Variants in TMEM161B observed in about 807,000 individuals in gnomAD.
TMEM161B encodes the protein transmembrane protein 161B.
In TMEM161B, 34 loss-of-function variants were observed where a neutral mutation model predicts 61.8. The ratio of observed to expected loss-of-function variants is 0.55; its 90% CI spans 0.42 to 0.73. The LOEUF (loss-of-function observed/expected upper bound fraction) is 0.73, where lower values mean the gene tolerates loss of function less well. TMEM161B is among the 30% of genes least tolerant of loss of function. The pLI is 0.00. For missense variants in TMEM161B, 456 were observed against 558.5 expected (o/e 0.82, Z 1.85); for synonymous variants, 167 against 192.8 (o/e 0.87, Z 1.11).
chr5:88,221,952 T>A (rs1749073744), intron 4 of TMEM161B, among the ~76,000 whole-genome samples: 1 of 152,220 alleles, frequency 6.6e-6, no homozygotes, highest in African/African-American at 2.4e-5. Context: ...TTAAAAGTAG[T>A]ATCAAAACAA....
At chr5:88,229,156 G>A (rs1030443267) in intron 2 of TMEM161B, among the ~76,000 whole-genome samples, 3 of 152,118 alleles carry the variant, frequency 2.0e-5, no homozygotes, top group South Asian at 2.1e-4. Flanking sequence ...AAATACTCAC[G>A]ATCCAAATTA....
At chr5:88,250,935 T>A (rs1754262119) in intron 1 of TMEM161B, 1 of 152,092 alleles carries the variant, frequency 6.6e-6, no homozygotes, top group South Asian at 2.1e-4. Context: ...CTTACAGAGA[T>A]CACGGCACTG....
At chr5:88,245,993 T>C (rs547970865) in intron 1 of TMEM161B, among the ~76,000 whole-genome samples, 2 of 151,922 alleles carry the variant, frequency 1.3e-5, no homozygotes, top group East Asian at 3.9e-4. Context: ...CAGAGACTGA[T>C]CAAACATAAA....
At chr5:88,219,386 G>A (rs938788953) in intron 5 of TMEM161B, among the ~76,000 whole-genome samples, 4 of 152,076 alleles carry the variant, frequency 2.6e-5, no homozygotes, top group Non-Finnish European at 5.9e-5. Flanking sequence ...AAATATAAAA[G>A]TAAGCATGAA....
chr5:88,215,361 T>C (rs1239732304), intron 5 of TMEM161B, among the ~76,000 whole-genome samples: 1 of 152,220 alleles, frequency 6.6e-6, no homozygotes, highest in Non-Finnish European at 1.5e-5. Flanking sequence ...AAACAGGTTA[T>C]GTTATAACTA....
At chr5:88,235,164 TAG>T (rs1311578353) in intron 2 of TMEM161B, among the ~76,000 whole-genome samples, 6 of 152,168 alleles carry the variant, frequency 3.9e-5, no homozygotes, top group East Asian at 1.9e-4. Flanking sequence ...GCAGAAAATA[TAG>T]AATGTCCTGA....
chr5:88,240,907 C>T lies in TMEM161B; in HGVS notation c.13G>A (p.Gly5Ser). The T allele has an allele frequency of 6.4e-7, 1 of 1,560,276 alleles. No homozygotes were observed. Among genetic ancestry groups the T allele is most frequent in the East Asian group, 2.3e-5 (1 of 43,060 alleles). Reference protein sequence around the residue: MGVIGIQLVVTMVMA... With the variant: MGVISIQLVVTMVMA... ...ACCATGGTAACAACCAGCTGTATAC[C>T]TATCACACCCTGTGTAAAAAAAACA... Residue 5 changes from glycine to serine, a missense_variant, in exon 2 of 12, where the codon GGT becomes AGT. Around this residue, in one of 3 missense-constraint regions of TMEM161B, gnomAD observed 85 missense variants for 111.2 expected, o/e 0.76. Transcript: ENST00000296595.
At chr5:88,225,890 C>A in intron 3 of TMEM161B, 24 bp from the exon 4 acceptor site, 5 of 1,504,112 alleles carry the variant, frequency 3.3e-6, no homozygotes, top group Admixed American at 3.7e-5. Flanking sequence ...ACAAGTGACA[C>A]AAAAAACAAG....
intron 1 of TMEM161B, among the ~76,000 whole-genome samples, chr5:88,246,673 A>C (rs1753660120): frequency 6.6e-6 from 1 of 152,026 alleles, no homozygotes; most frequent in Non-Finnish European, 1.5e-5. Flanking sequence ...GTATAAGTTT[A>C]TACAAAAGCA....
chr5:88,243,733 A>G (rs1753133629), intron 1 of TMEM161B, among the ~76,000 whole-genome samples: 1 of 151,808 alleles, frequency 6.6e-6, no homozygotes, highest in Non-Finnish European at 1.5e-5. Context: ...GTGATTCCTT[A>G]TCTCCATAAC....
intron 9 of TMEM161B, 123 bp from the exon 10 acceptor site, chr5:88,199,273 A>C (rs1750274737): frequency 1.1e-6 from 1 of 891,424 alleles, no homozygotes. Flanking sequence ...TAGACACATA[A>C]AAGAATCTGA....
At chr5:88,262,675 A>G (rs1755828554) in intron 1 of TMEM161B, among the ~76,000 whole-genome samples, 1 of 152,190 alleles carries the variant, frequency 6.6e-6, no homozygotes. Flanking sequence ...GATTCCAACT[A>G]TATCCAAACC....
intron 1 of TMEM161B, among the ~76,000 whole-genome samples, chr5:88,243,543 G>A (rs1003241988): frequency 2.6e-5 from 4 of 152,004 alleles, no homozygotes; most frequent in African/African-American, 9.6e-5. Flanking sequence ...TGTGAATAGT[G>A]CTGCAATGAA....
chr5:88,210,030 G>C (rs1263229301), intron 5 of TMEM161B, among the ~76,000 whole-genome samples: 3 of 152,110 alleles, frequency 2.0e-5, no homozygotes, highest in Admixed American at 6.6e-5. Flanking sequence ...TTAAACTATA[G>C]TGTGACAAAG....
intron 2 of TMEM161B, among the ~76,000 whole-genome samples, chr5:88,231,441 A>T (rs1402000174): frequency 6.6e-6 from 1 of 152,212 alleles, no homozygotes; most frequent in Admixed American, 6.5e-5. Context: ...AGTTGGTTTC[A>T]GATAAGTTGG....
At chr5:88,193,333 G>A (rs1268429910), downstream of TMEM161B, among the ~76,000 whole-genome samples, 1 of 152,040 alleles carries the variant, frequency 6.6e-6, no homozygotes, top group Non-Finnish European at 1.5e-5. Flanking sequence ...CTTTATATAT[G>A]CTTTGAAGCA....
chr5:88,250,171 CAGAG>C (rs932796787), intron 1 of TMEM161B, among the ~76,000 whole-genome samples: 10 of 151,920 alleles, frequency 6.6e-5, no homozygotes, highest in African/African-American at 9.7e-5. Flanking sequence ...CCAGTTTGCA[CAGAG>C]AGAGAGAAAG....
At chr5:88,267,119 T>TA (rs1756478713) in intron 1 of TMEM161B, among the ~76,000 whole-genome samples, 1 of 152,252 alleles carries the variant, frequency 6.6e-6, no homozygotes, top group East Asian at 1.9e-4. Flanking sequence ...ATCTTAAATT[T>TA]AAAAAATGAA....
chr5:88,262,066 T>C (rs1296292395), intron 1 of TMEM161B, among the ~76,000 whole-genome samples: 1 of 152,138 alleles, frequency 6.6e-6, no homozygotes, highest in Non-Finnish European at 1.5e-5. Context: ...AAACTCTTAA[T>C]TAAAACTCAA....
Sources: allele counts gnomAD v4.1 joint callset (sites outside exome capture counted in the v4.1 genomes callset), GRCh38; gene constraint gnomAD v4.1.1; regional missense constraint gnomAD v4.1.1; transcripts MANE v1.5; gene names NCBI Gene and HGNC (gene_info 2026-07-23, HGNC 2026-07-21).